HELB: variants seen among roughly 807,000 people sequenced by gnomAD.
HELB encodes the protein DNA 5'-3' helicase B.
HELB carries 96 observed loss-of-function variants against 101.7 expected under a neutral mutation model. The observed-to-expected ratio is 0.94, with a 90% CI of 0.80 to 1.12. HELB has a LOEUF of 1.12. Among genes scored for constraint, HELB ranks in the 50% most tolerant of loss-of-function variants. HELB has a pLI of 0.00. For synonymous variants in HELB, 437 were observed against 459.7 expected (o/e 0.95, Z 0.63); for missense variants, 1,210 against 1,291.9 (o/e 0.94, Z 0.97).
intron 12 of HELB, among the ~76,000 whole-genome samples, chr12:66,332,248 C>T (rs1435649282): frequency 3.3e-5 from 5 of 152,160 alleles, no homozygotes; most frequent in Non-Finnish European, 5.9e-5. Context: ...ACCATGGACT[C>T]GCCTTCCTTT....
intron 12 of HELB, among the ~76,000 whole-genome samples, chr12:66,333,874 C>T (rs1165600764): frequency 1.3e-5 from 2 of 151,278 alleles, no homozygotes; most frequent in Non-Finnish European, 2.9e-5. Flanking sequence ...CCTGCTTAAA[C>T]ATAGTCCCAG....
At position 66,331,466 on chromosome 12, in the gene HELB, A is replaced by G; in HGVS notation, c.2983A>G (p.Thr995Ala). Residue 995 changes from threonine (T) to alanine (A), a missense_variant, in exon 12 of 13, where the codon ACA becomes GCA. By Grantham distance (58) the Thr-to-Ala change is moderately conservative. Transcript: ENST00000247815. ...PLPVVTDHAM[T>A]NDVTWSEASS... is the part of the protein sequence containing the mutation. ...CCCTGTAGTCACAGACCACGCCATGACAAATGATGTCACCTGGAGCGAGGC... is the reference window on the plus strand; with the variant it reads ...CCCTGTAGTCACAGACCACGCCATGGCAAATGATGTCACCTGGAGCGAGGC... 1.2e-6 allele frequency: 2 copies of G among 1,614,216 alleles called. No homozygotes were observed. The highest frequency in any genetic ancestry group is 8.5e-7 in the Non-Finnish European group (1 of 1,180,040).
chr12:66,315,411 T>C lies in HELB; in HGVS notation c.2000+28T>C, dbSNP rs745406341. Reference sequence around the variant, plus strand: ...ATAATATTACTAAGAGTTTGCATTTTCTGTCTGTTGTATTAGAAATTTAAA... The same window carrying C: ...ATAATATTACTAAGAGTTTGCATTTCCTGTCTGTTGTATTAGAAATTTAAA... On this transcript the variant is annotated intron_variant, in intron 6 of 12. Coordinates refer to ENST00000247815, the MANE Select transcript of HELB (RefSeq NM_001370285.1). The C allele has an allele frequency of 1.9e-5, 28 of 1,451,862 alleles. No homozygotes were observed. In the African/African-American group the frequency reaches 3.5e-4, roughly 18 times the overall value. 89.9% of individuals were successfully genotyped at this position (1,451,862 alleles called of 1,614,324 possible).
At chr12:66,315,204 C>G in intron 5 of HELB, 38 bp from the exon 6 acceptor site, 2 of 1,441,562 alleles carry the variant, frequency 1.4e-6, no homozygotes, top group Non-Finnish European at 1.8e-6. Context: ...TATTTTTTCT[C>G]AGAGTAAGTC....
intron 12 of HELB, 121 bp from the exon 13 acceptor site, chr12:66,337,880 C>T: frequency 1.6e-6 from 1 of 618,628 alleles, no homozygotes; most frequent in Non-Finnish European, 2.8e-6. Flanking sequence ...GTTGCTGAAG[C>T]CTTTCAAGGG....
intron 11 of HELB, among the ~76,000 whole-genome samples, chr12:66,327,138 AG>A (rs1299842253): frequency 6.8e-6 from 1 of 147,972 alleles, no homozygotes; most frequent in Admixed American, 6.8e-5. Flanking sequence ...GGTTCTTGCC[AG>A]GGGTGGTTGG....
intron 11 of HELB, among the ~76,000 whole-genome samples, chr12:66,327,232 G>A (rs1006329845): frequency 2.0e-5 from 3 of 151,542 alleles, no homozygotes; most frequent in Non-Finnish European, 4.4e-5. Flanking sequence ...AGTTCCCCAG[G>A]TAAAGTGAGA....
chr12:66,309,877 G>T lies in HELB; in HGVS notation c.949G>T (p.Asp317Tyr). 1 of 1,614,098 alleles carries T rather than the reference G, an allele frequency of 6.2e-7. No homozygotes were observed. Among genetic ancestry groups the T allele is most frequent in the Non-Finnish European group, 8.5e-7 (1 of 1,179,982 alleles). The change falls in exon 4 of 13, where the codon GAC becomes TAC. Residue 317 changes from aspartate (D) to tyrosine (Y), a missense_variant. By Grantham distance (160) the Asp-to-Tyr change is radical (BLOSUM62 -3). This residue lies in a region of HELB where 470 missense variants were observed against 563.1 expected (regional missense o/e 0.83). Transcript: ENST00000247815. ...EDGHTYVEVNDLTLTLSNHMS... is the reference protein window; with the variant it reads ...EDGHTYVEVNYLTLTLSNHMS... ...TGGGCACACATATGTTGAAGTGAAT[G>T]ACTTAACTTTGACATTGTCAAATCA...
chr12:66,309,773 C>T lies in HELB; in HGVS notation c.845C>T (p.Ser282Phe). Residue 282 changes from serine to phenylalanine, a missense_variant, in exon 4 of 13, where the codon TCT becomes TTT. Around this residue, in one of 2 missense-constraint regions of HELB, gnomAD observed 470 missense variants for 563.1 expected, o/e 0.83. Transcript: ENST00000247815. Reference protein sequence around the residue: ...ASWIAFCQCESLLQLMTDLEK... With the variant: ...ASWIAFCQCEFLLQLMTDLEK... ...TGGATAGCATTTTGTCAGTGTGAGT[C>T]TCTTCTCCAGCTGATGACTGATTTG... 1 of 1,614,024 alleles carries T rather than the reference C, an allele frequency of 6.2e-7. No homozygotes were observed. The highest frequency in any genetic ancestry group is 8.5e-7 in the Non-Finnish European group (1 of 1,179,884).
intron 7 of HELB, among the ~76,000 whole-genome samples, chr12:66,321,191 C>T (rs1003361401): frequency 2.6e-5 from 4 of 152,160 alleles, no homozygotes; most frequent in African/African-American, 9.7e-5. Context: ...TGGGAAAATG[C>T]TTGTACTTCC....
downstream of HELB, chr12:66,340,005 C>T (rs1322760521): frequency 6.6e-6 from 1 of 152,178 alleles, no homozygotes; most frequent in Non-Finnish European, 1.5e-5. Flanking sequence ...TTGAATTTGT[C>T]CATTCATCAG....
chr12:66,326,393 C>A (rs775551105), intron 11 of HELB, among the ~76,000 whole-genome samples: 10 of 152,070 alleles, frequency 6.6e-5, no homozygotes, highest in Non-Finnish European at 1.3e-4. Context: ...CAGGCACATG[C>A]CACCACGCCT....
intron 11 of HELB, among the ~76,000 whole-genome samples, chr12:66,330,840 A>C (rs545582349): frequency 1.7e-4 from 26 of 152,054 alleles, no homozygotes; most frequent in African/African-American, 6.0e-4. Flanking sequence ...ACATTTACAC[A>C]TGAAGCCTGT....
At chr12:66,311,266 G>T (rs1237611420) in intron 4 of HELB, among the ~76,000 whole-genome samples, 1 of 151,942 alleles carries the variant, frequency 6.6e-6, no homozygotes, top group Admixed American at 6.5e-5. Flanking sequence ...TTTGAGACTT[G>T]CCTGGGCAAC....
chr12:66,341,387 G>A (rs1478307902), downstream of HELB: 1 of 152,040 alleles, frequency 6.6e-6, no homozygotes, highest in African/African-American at 2.4e-5. Flanking sequence ...CACACTGAGG[G>A]TGGGTCTTCC....
At chr12:66,335,954 C>T (rs969069974) in intron 12 of HELB, among the ~76,000 whole-genome samples, 3 of 152,174 alleles carry the variant, frequency 2.0e-5, no homozygotes, top group African/African-American at 7.2e-5. Flanking sequence ...GGAGGGCACA[C>T]ACCCCTTCTG....
chr12:66,320,624 A>G (rs538748859), intron 7 of HELB, among the ~76,000 whole-genome samples: 1 of 152,316 alleles, frequency 6.6e-6, no homozygotes, highest in Non-Finnish European at 1.5e-5. Flanking sequence ...AAAATTGTCC[A>G]TTTTAGACTG....
intron 8 of HELB, 104 bp from the exon 9 acceptor site, chr12:66,322,620 C>A: frequency 3.3e-6 from 2 of 615,248 alleles, no homozygotes; most frequent in East Asian, 3.0e-5. Context: ...TGGAGAAAGT[C>A]TTGGAAACGT....
chr12:66,310,940 C>T (rs150033325), intron 4 of HELB, among the ~76,000 whole-genome samples: 18 of 151,802 alleles, frequency 1.2e-4, no homozygotes, highest in South Asian at 2.1e-4. Flanking sequence ...AAAAAGCAAA[C>T]GAACAAAAAA....
Sources: allele counts gnomAD v4.1 joint callset (sites outside exome capture counted in the v4.1 genomes callset), GRCh38; gene constraint gnomAD v4.1.1; regional missense constraint gnomAD v4.1.1; transcripts MANE v1.5; gene names NCBI Gene and HGNC (gene_info 2026-07-23, HGNC 2026-07-21).